Variants in SGSM1 observed in about 807,000 individuals in gnomAD.
The protein encoded by SGSM1 is RUN and TBC1 domain containing 2.
In SGSM1, 73 loss-of-function variants were observed where a neutral mutation model predicts 133.8. The observed-to-expected ratio is 0.55, with a 90% confidence interval of 0.45 to 0.66. The LOEUF (loss-of-function observed/expected upper bound fraction) is 0.66, where lower values mean the gene tolerates loss of function less well. Among genes scored for constraint, SGSM1 ranks in the 30% least tolerant of loss-of-function variants. SGSM1 has a pLI of 0.00. For synonymous variants in SGSM1, 563 were observed against 573.0 expected (o/e 0.98, Z 0.25); for missense variants, 1,213 against 1,448.1 (o/e 0.84, Z 2.64).
chr22:24,844,909 A>G lies in SGSM1; in HGVS notation c.76A>G (p.Met26Val), dbSNP rs750698044. 1 of 1,613,748 alleles carries G rather than the reference A, an allele frequency of 6.2e-7. No individual in the cohort carries two copies. Among genetic ancestry groups the G allele is most frequent in the East Asian group, 2.2e-5 (1 of 44,868 alleles). ...CTTTGCCTTCCAGGTGAAGCAGATCATGGAGGAGGCTGTGACACGCAAGTT... is the reference window on the plus strand; with the variant it reads ...CTTTGCCTTCCAGGTGAAGCAGATCGTGGAGGAGGCTGTGACACGCAAGTT... ...RTVKKEVKQI[M>V]EEAVTRKFVH... Residue 26 changes from methionine to valine, a missense_variant, in exon 3 of 25, where the codon ATG becomes GTG. Transcript: ENST00000400358.
intron 9 of SGSM1, among the ~76,000 whole-genome samples, chr22:24,860,607 A>G (rs199888599): frequency 5.7e-4 from 87 of 151,978 alleles, no homozygotes; most frequent in East Asian, 4.1e-3. Flanking sequence ...CTTCTCCCCA[A>G]TAATATTATT....
chr22:24,844,877 C>T lies in SGSM1; in HGVS notation c.64-20C>T, dbSNP rs762622783. The T allele has an allele frequency of 6.2e-6, 10 of 1,612,670 alleles. No individual in the cohort carries two copies. The highest frequency in any genetic ancestry group is 2.2e-5 in the East Asian group (1 of 44,886). Reference sequence around the variant, plus strand: ...TGGTCACCTTGGACCTCTTCCCCTCCGGTCACCTTTGCCTTCCAGGTGAAG... The same window carrying T: ...TGGTCACCTTGGACCTCTTCCCCTCTGGTCACCTTTGCCTTCCAGGTGAAG... On this transcript the variant is annotated intron_variant, in intron 2 of 24. Coordinates refer to ENST00000400358, the MANE Select transcript of SGSM1 (RefSeq NM_001098497.3).
At chr22:24,841,103 G>A (rs571817687) in intron 2 of SGSM1, among the ~76,000 whole-genome samples, 165 of 152,280 alleles carry the variant, frequency 1.1e-3, no homozygotes, top group African/African-American at 3.6e-3. Flanking sequence ...GCCCGCCTTG[G>A]CCTCCCAAAG....
At chr22:24,914,110 G>A (rs1601991911) in intron 22 of SGSM1, among the ~76,000 whole-genome samples, 1 of 152,162 alleles carries the variant, frequency 6.6e-6, no homozygotes, top group East Asian at 1.9e-4. Flanking sequence ...CTAACACGGT[G>A]AAACCCTGTC....
At chr22:24,847,291 C>G (rs1390162255) in intron 3 of SGSM1, among the ~76,000 whole-genome samples, 1 of 152,190 alleles carries the variant, frequency 6.6e-6, no homozygotes, top group African/African-American at 2.4e-5. Flanking sequence ...TCTCCTTGCA[C>G]GTAGCATAAC....
intron 15 of SGSM1, 46 bp from the exon 16 acceptor site, chr22:24,886,554 T>G (rs972872188): frequency 6.5e-7 from 1 of 1,541,380 alleles, no homozygotes; most frequent in African/African-American, 1.4e-5. Flanking sequence ...AACCACCCCC[T>G]GGTTTTCTGT....
chr22:24,844,730 A>G, intron 2 of SGSM1, 167 bp from the exon 3 acceptor site: 1 of 591,452 alleles, frequency 1.7e-6, no homozygotes, highest in East Asian at 2.8e-5. Context: ...GACAGGCCTC[A>G]GACCTCCAAA....
intron 9 of SGSM1, among the ~76,000 whole-genome samples, chr22:24,863,072 C>T (rs963395970): frequency 2.6e-5 from 4 of 152,196 alleles, no homozygotes; most frequent in Non-Finnish European, 4.4e-5. Flanking sequence ...TGCCAAGCCC[C>T]GCCCCAGCGC....
At chr22:24,876,297 C>T (rs1040625740) in intron 12 of SGSM1, among the ~76,000 whole-genome samples, 1 of 152,196 alleles carries the variant, frequency 6.6e-6, no homozygotes, top group African/African-American at 2.4e-5. Flanking sequence ...TGGCCTCCTG[C>T]TCTGGGATTG....
In SGSM1 at chr22:24,860,915, AAAAAAAAATATAT is replaced by A. The variant is rs1275620718; in HGVS notation, c.926+1077_926+1089del. Among the ~76,000 whole-genome samples, 741 of 109,374 alleles carry A rather than the reference AAAAAAAAATATAT, an allele frequency of 6.8e-3. 15 individuals are homozygous for A. The highest frequency in any genetic ancestry group is 0.034 in the Admixed American group (353 of 10,294). 71.8% of individuals were successfully genotyped at this position (109,374 alleles called of 152,430 possible). A position where few individuals can be genotyped will look rare whatever the true frequency, so the allele number is the denominator to read the frequency against. On this transcript the variant is annotated intron_variant, in intron 9 of 24. Transcript: ENST00000400358. The stretch of plus-strand genomic sequence containing the variant: ...ACTGTCTTAAAAAAAAAAAAAAAAA[AAAAAAAAATATAT>A]ATATATATATATATATATATAATTT...
chr22:24,810,500 A>G (rs1601879211), intron 2 of SGSM1, among the ~76,000 whole-genome samples: 1 of 152,136 alleles, frequency 6.6e-6, no homozygotes, highest in Non-Finnish European at 1.5e-5. Flanking sequence ...TTTGGTTCCC[A>G]GAGCGAGCAG....
intron 2 of SGSM1, among the ~76,000 whole-genome samples, chr22:24,840,046 C>T (rs1334637475): frequency 6.7e-6 from 1 of 149,592 alleles, no homozygotes; most frequent in Admixed American, 6.8e-5. Flanking sequence ...AGGTTCACGT[C>T]ATTCTCCTGC....
At chr22:24,855,495 G>T in intron 7 of SGSM1, 54 bp from the exon 8 acceptor site, 1 of 1,613,028 alleles carries the variant, frequency 6.2e-7, no homozygotes, top group Non-Finnish European at 8.5e-7. Flanking sequence ...CAGGGTAGGA[G>T]CCCTGAAAAT....
Position 24,834,042 on chromosome 22 carries a change from C to G in SGSM1, c.64-10855C>G, listed in dbSNP as rs564808247. ...GGAGAGAACAGATGGGGCCCAGTAG[C>G]CTCTGCTCACTATGAGGGAGGACAC... is the stretch of plus-strand genomic sequence containing the variant. On this transcript the variant is annotated intron_variant, in intron 2 of 24. Transcript: ENST00000400358. Among the ~76,000 whole-genome samples, 6 of 152,358 alleles carry G rather than the reference C, an allele frequency of 3.9e-5. No homozygotes were observed. The South Asian group carries it at 1.2e-3, about 32-fold the overall frequency.
chr22:24,832,871 G>A (rs143381002), intron 2 of SGSM1, among the ~76,000 whole-genome samples: 42 of 152,086 alleles, frequency 2.8e-4, no homozygotes, highest in Non-Finnish European at 5.3e-4. Flanking sequence ...TCCCTCCTTG[G>A]CTCATAGGTG....
At chr22:24,899,042 A>C (rs866889447) in intron 19 of SGSM1, among the ~76,000 whole-genome samples, 9,619 of 150,794 alleles carry the variant, frequency 0.064, 1,169 homozygotes, top group African/African-American at 0.23. Context: ...AAAAAAAAAA[A>C]AAAAACGTGT....
intron 5 of SGSM1, among the ~76,000 whole-genome samples, chr22:24,853,659 T>G (rs1416806021): frequency 1.8e-4 from 28 of 152,000 alleles, no homozygotes. Context: ...TGGGCTGTAG[T>G]GCAGTGGCGC....
rs1555920070 is a variant in SGSM1, at chr22:24,822,088, C to CTCTTTTTTTTTTTTT, written c.63+15605_63+15606insCTTTTTTTTTTTTTT. Among the ~76,000 whole-genome samples the CTCTTTTTTTTTTTTT allele has an allele frequency of 5.2e-5, 5 of 96,128 alleles. No individual in the cohort carries two copies. The East Asian group carries it at 1.6e-3, about 30-fold the overall frequency. 63.1% of individuals were successfully genotyped at this position (96,128 alleles called of 152,430 possible). A position where few individuals can be genotyped will look rare whatever the true frequency, so the allele number is the denominator to read the frequency against. On this transcript the variant is annotated intron_variant, in intron 2 of 24. Transcript: ENST00000400358. ...CCATGCTCTACCTGTTCATCTCTCT[C>CTCTTTTTTTTTTTTT]TTTTTTTTTTTTTTTTTTTTGAGAC...
intron 2 of SGSM1, among the ~76,000 whole-genome samples, chr22:24,823,327 G>A (rs565818252): frequency 6.6e-6 from 1 of 152,020 alleles, no homozygotes; most frequent in South Asian, 2.1e-4. Context: ...GTTTTGCCAG[G>A]CGCGGTGGCT....
Sources: gnomAD v4.1 joint callset for allele counts (sites outside exome capture counted in the v4.1 genomes callset) on GRCh38, gnomAD v4.1.1 for gene constraint, MANE v1.5 for transcripts, NCBI Gene and HGNC (gene_info 2026-07-23, HGNC 2026-07-21) for gene names.